Variants in SCLT1 observed in about 807,000 individuals in gnomAD.
SCLT1 encodes the protein sodium channel-associated protein 1.
Under a neutral mutation model 112.8 loss-of-function variants are expected in SCLT1, and 78 were observed. The ratio of observed to expected loss-of-function variants is 0.69; its 90% CI spans 0.58 to 0.83. SCLT1 has a LOEUF of 0.83. Among genes scored for constraint, SCLT1 ranks in the 40% least tolerant of loss-of-function variants. The pLI, the probability that SCLT1 is intolerant of heterozygous loss-of-function variation, is 0.00. For missense variants in SCLT1, 747 were observed against 770.4 expected (o/e 0.97, Z 0.36); for synonymous variants, 257 against 254.7 (o/e 1.01, Z -0.09).
intron 1 of SCLT1, among the ~76,000 whole-genome samples, chr4:129,090,733 A>G (rs1345827453): frequency 6.6e-6 from 1 of 152,180 alleles, no homozygotes; most frequent in Non-Finnish European, 1.5e-5. Context: ...TTAGATTGAT[A>G]ATGCAAGTAC....
intron 2 of SCLT1, among the ~76,000 whole-genome samples, chr4:129,063,578 G>A (rs551424200): frequency 6.6e-6 from 1 of 152,320 alleles, no homozygotes; most frequent in East Asian, 1.9e-4. Context: ...CCATGGGGAA[G>A]GAGGGCAGTA....
At chr4:128,916,636 A>G (rs1172066717) in intron 18 of SCLT1, among the ~76,000 whole-genome samples, 1 of 152,170 alleles carries the variant, frequency 6.6e-6, no homozygotes, top group East Asian at 1.9e-4. Context: ...ACATTTTTTC[A>G]AGATGTTTTG....
chr4:128,898,776 G>T (rs13113815), intron 18 of SCLT1, among the ~76,000 whole-genome samples: 7 of 152,044 alleles, frequency 4.6e-5, no homozygotes, highest in African/African-American at 1.7e-4. Flanking sequence ...TAGACCGCTA[G>T]CAAGACTAAT....
intron 20 of SCLT1, among the ~76,000 whole-genome samples, chr4:128,887,144 G>A (rs570446556): frequency 1.3e-5 from 2 of 152,176 alleles, no homozygotes; most frequent in Admixed American, 6.5e-5. Context: ...TTTACTTAAT[G>A]GCACTAAATG....
At chr4:129,029,934 T>C (rs1181390094) in intron 5 of SCLT1, among the ~76,000 whole-genome samples, 2 of 152,104 alleles carry the variant, frequency 1.3e-5, no homozygotes, top group Admixed American at 6.5e-5. Context: ...TATTCAAGAC[T>C]TGAACTCAGC....
chr4:129,026,295 G>T (rs989031126), intron 5 of SCLT1, among the ~76,000 whole-genome samples: 32 of 152,030 alleles, frequency 2.1e-4, no homozygotes, highest in African/African-American at 5.8e-4. Context: ...ACCACATACT[G>T]GGAAGTAAAG....
chr4:129,042,074 C>A (rs1747746342), intron 4 of SCLT1, among the ~76,000 whole-genome samples: 2 of 152,206 alleles, frequency 1.3e-5, no homozygotes, highest in African/African-American at 4.8e-5. Context: ...AGTCATTATA[C>A]TCTGTTCCAT....
chr4:128,948,335 CAAAAAAAA>C (rs11312069), intron 15 of SCLT1, among the ~76,000 whole-genome samples, 153 bp downstream of exon 15: 989 of 48,110 alleles, frequency 0.021, 12 homozygotes, highest in African/African-American at 0.065. Context: ...GACTCCATTG[CAAAAAAAA>C]AAAAAAAAAA....
At chr4:128,961,618 A>C (rs1473325233) in intron 11 of SCLT1, among the ~76,000 whole-genome samples, 15 of 151,886 alleles carry the variant, frequency 9.9e-5, no homozygotes. Context: ...CAAGTGGTTT[A>C]TTTTCTCATG....
At chr4:128,897,995 C>G (rs990519662) in intron 18 of SCLT1, among the ~76,000 whole-genome samples, 2 of 152,064 alleles carry the variant, frequency 1.3e-5, no homozygotes, top group East Asian at 1.9e-4. Context: ...TATATGCACC[C>G]AATACAGGAG....
At chr4:129,047,874 C>T (rs977717660) in intron 2 of SCLT1, among the ~76,000 whole-genome samples, 1 of 152,012 alleles carries the variant, frequency 6.6e-6, no homozygotes, top group Non-Finnish European at 1.5e-5. Context: ...CTTATATATT[C>T]TGGACATTCA....
chr4:128,985,919 A>C (rs984169807), intron 9 of SCLT1, among the ~76,000 whole-genome samples: 3 of 152,224 alleles, frequency 2.0e-5, no homozygotes, highest in African/African-American at 4.8e-5. Flanking sequence ...GAGAGGAAGC[A>C]GAGCAAGATG....
downstream of SCLT1, among the ~76,000 whole-genome samples, chr4:128,882,379 G>T (rs1199872339): frequency 6.6e-6 from 1 of 152,052 alleles, no homozygotes; most frequent in African/African-American, 2.4e-5. Flanking sequence ...GGTATGATTT[G>T]GTCTCATCAT....
At chr4:128,971,195 A>G (rs1740662756) in intron 9 of SCLT1, 1 of 152,158 alleles carries the variant, frequency 6.6e-6, no homozygotes, top group Non-Finnish European at 1.5e-5. Flanking sequence ...TTATCTAAAG[A>G]ACATACATTT....
chr4:128,953,819 C>CAAAAAAAAA (rs150640505), intron 13 of SCLT1, among the ~76,000 whole-genome samples: 1 of 144,500 alleles, frequency 6.9e-6, no homozygotes, highest in Non-Finnish European at 1.5e-5. Flanking sequence ...AACAAAAAAA[C>CAAAAAAAAA]AAAAAAAAAA....
At chr4:128,973,098 C>T (rs1740834849) in intron 9 of SCLT1, among the ~76,000 whole-genome samples, 1 of 151,952 alleles carries the variant, frequency 6.6e-6, no homozygotes, top group African/African-American at 2.4e-5. Flanking sequence ...TCTTCTTTTT[C>T]TAACCAATTC....
chr4:129,083,488 TG>T (rs1256009537), intron 1 of SCLT1, among the ~76,000 whole-genome samples: 124 of 151,114 alleles, frequency 8.2e-4, no homozygotes, highest in African/African-American at 2.9e-3. Context: ...TCTATATGTT[TG>T]GAAGTTCAGA....
intron 9 of SCLT1, among the ~76,000 whole-genome samples, chr4:128,989,209 G>A (rs1244728917): frequency 1.3e-5 from 2 of 151,646 alleles, no homozygotes; most frequent in Admixed American, 6.6e-5. Flanking sequence ...ACAGTCTCAA[G>A]GACAGAACAT....
chr4:128,923,864 T>A (rs1736077578), intron 18 of SCLT1, among the ~76,000 whole-genome samples: 1 of 152,094 alleles, frequency 6.6e-6, no homozygotes, highest in Admixed American at 6.5e-5. Context: ...CAGGCTGGAG[T>A]GCAGTGGCAT....
Sources: gnomAD v4.1 joint callset for allele counts (sites outside exome capture counted in the v4.1 genomes callset) on GRCh38, gnomAD v4.1.1 for gene constraint, MANE v1.5 for transcripts, NCBI Gene and HGNC (gene_info 2026-07-23, HGNC 2026-07-21) for gene names.